Variants in DIPK1A observed in about 807,000 individuals in gnomAD.
The protein encoded by DIPK1A is divergent protein kinase domain 1A.
In DIPK1A, 27 loss-of-function variants were observed where a neutral mutation model predicts 40.8. The observed-to-expected ratio is 0.66, with a 90% CI of 0.49 to 0.91. DIPK1A has a LOEUF of 0.91. Ranked by LOEUF, DIPK1A falls within the 40% of genes least tolerant of loss-of-function variation. The probability of loss-of-function intolerance (pLI) is 0.00; values close to 1 mark genes in which losing one functional copy is unlikely to be tolerated. For synonymous variants in DIPK1A, 166 were observed against 171.3 expected, an observed-to-expected ratio of 0.97 and a Z score of 0.24; for missense variants, 412 against 505.7, an observed-to-expected ratio of 0.81 and a Z score of 1.78.
chr1:92,849,861 G>A (rs879889855), intron 3 of DIPK1A, among the ~76,000 whole-genome samples: 1 of 152,060 alleles, frequency 6.6e-6, no homozygotes, highest in African/African-American at 2.4e-5. Flanking sequence ...TTGCTATGTT[G>A]CTCAGGTAGG....
At chr1:92,860,445 T>C (rs182317661) in intron 2 of DIPK1A, among the ~76,000 whole-genome samples, 1 of 152,114 alleles carries the variant, frequency 6.6e-6, no homozygotes, top group African/African-American at 2.4e-5. Context: ...GAAGTATCAT[T>C]GGTTTTGTCT....
intron 1 of DIPK1A, among the ~76,000 whole-genome samples, chr1:92,923,842 C>T (rs1386155098): frequency 6.6e-6 from 1 of 152,116 alleles, no homozygotes; most frequent in Non-Finnish European, 1.5e-5. Flanking sequence ...CAAATCCAAC[C>T]ATCAGGCTTA....
chr1:92,863,374 A>C (rs766134438), intron 2 of DIPK1A, among the ~76,000 whole-genome samples: 2 of 152,236 alleles, frequency 1.3e-5, no homozygotes, highest in Non-Finnish European at 2.9e-5. Flanking sequence ...CAGGATTACA[A>C]GAAATATCAC....
chr1:92,849,358 T>TG (rs1687736257), intron 3 of DIPK1A, among the ~76,000 whole-genome samples: 1 of 151,928 alleles, frequency 6.6e-6, no homozygotes, highest in Non-Finnish European at 1.5e-5. Flanking sequence ...GTTTTTTTTT[T>TG]TTTTTTTGAG....
At chr1:92,942,905 C>T (rs1294735063) in intron 1 of DIPK1A, among the ~76,000 whole-genome samples, 2 of 152,170 alleles carry the variant, frequency 1.3e-5, no homozygotes, top group Non-Finnish European at 2.9e-5. Flanking sequence ...CCTCATGATT[C>T]GCCCGCCTCG....
At chr1:92,839,887 C>G (rs974312217), downstream of DIPK1A, among the ~76,000 whole-genome samples, 2 of 151,442 alleles carry the variant, frequency 1.3e-5, no homozygotes, top group African/African-American at 2.4e-5. Flanking sequence ...GTTTCCTGGG[C>G]TGGGGTGCAA....
At chr1:92,839,811 CAG>C (rs370270060), downstream of DIPK1A, among the ~76,000 whole-genome samples, 285 of 152,080 alleles carry the variant, frequency 1.9e-3, 3 homozygotes, top group African/African-American at 6.2e-3. Flanking sequence ...CTGAATTTCT[CAG>C]AAGTACATGC....
At chr1:92,891,861 T>A (rs1411843482) in intron 1 of DIPK1A, among the ~76,000 whole-genome samples, 1 of 152,200 alleles carries the variant, frequency 6.6e-6, no homozygotes, top group Non-Finnish European at 1.5e-5. Flanking sequence ...GGAGATTATA[T>A]CCTACGCATG....
chr1:92,845,481 C>G (rs1219422212), intron 4 of DIPK1A: 1 of 335,332 alleles, frequency 3.0e-6, no homozygotes, highest in Non-Finnish European at 5.4e-6. Flanking sequence ...CCCGCCTGGG[C>G]AACATGGTGA....
intron 1 of DIPK1A, among the ~76,000 whole-genome samples, chr1:92,885,233 T>C (rs1648542156): frequency 6.6e-6 from 1 of 152,220 alleles, no homozygotes; most frequent in Non-Finnish European, 1.5e-5. Flanking sequence ...CCAAAGGAGC[T>C]ACTGTTGATA....
chr1:92,836,450 T>C lies in DIPK1A; in HGVS notation c.475-3416A>G, dbSNP rs1687131500. On this transcript the variant is annotated intron_variant, in intron 4 of 4. Transcript: ENST00000615519. ...ACCGTGGTACTTCCCTGTTTTTAAC[T>C]AGTTGGACTGTGGAGATAACCGAAT... The C allele has an allele frequency of 4.1e-6, 6 of 1,476,556 alleles. No individual in the cohort carries two copies. The South Asian group carries it at 6.8e-5, about 17-fold the overall frequency. 91.5% of individuals were successfully genotyped at this position (1,476,556 alleles called of 1,614,324 possible). A position where few individuals can be genotyped will look rare whatever the true frequency, so the allele number is the denominator to read the frequency against.
chr1:92,836,058 G>A (rs1687111706), intron 4 of DIPK1A: 2 of 790,954 alleles, frequency 2.5e-6, no homozygotes, highest in South Asian at 1.4e-5. Context: ...AGTGGATCTG[G>A]TGAAAGGGTG....
At chr1:92,913,677 T>C (rs1386004333) in intron 1 of DIPK1A, among the ~76,000 whole-genome samples, 1 of 152,226 alleles carries the variant, frequency 6.6e-6, no homozygotes, top group East Asian at 1.9e-4. Flanking sequence ...ATATACTGTA[T>C]ATGATACGTT....
intron 2 of DIPK1A, among the ~76,000 whole-genome samples, chr1:92,860,487 A>C (rs1647213743): frequency 6.6e-6 from 1 of 152,010 alleles, no homozygotes; most frequent in Non-Finnish European, 1.5e-5. Context: ...TTGATAGAGC[A>C]CTTAAAAAGG....
chr1:92,932,118 C>T lies in DIPK1A; in HGVS notation c.54+29258G>A, dbSNP rs148019787. On this transcript the variant is annotated intron_variant, in intron 1 of 4. Transcript: ENST00000370310. ...ATATACCAGGGTGGTAAAGAATCTA[C>T]GAGCTCGCAAATATGTAAATTTTTA... The T allele has an allele frequency of 1.9e-3, 566 of 292,306 alleles. 3 individuals are homozygous for T. Among genetic ancestry groups the T allele is most frequent in the African/African-American group, 0.012 (513 of 44,036 alleles). The allele number at this position is 292,306 out of a possible 1,614,324, so 18.1% of individuals were successfully genotyped here.
chr1:92,897,792 G>A (rs911978201), intron 1 of DIPK1A, among the ~76,000 whole-genome samples: 3 of 144,898 alleles, frequency 2.1e-5, no homozygotes, highest in African/African-American at 7.7e-5. Flanking sequence ...AATTTGTTTT[G>A]TGTCACTATA....
chr1:92,898,490 A>G (rs550735200), intron 1 of DIPK1A, among the ~76,000 whole-genome samples: 26 of 152,142 alleles, frequency 1.7e-4, no homozygotes, highest in Non-Finnish European at 3.4e-4. Context: ...CATTCAAACC[A>G]TATCACAAAA....
At chr1:92,879,903 G>A (rs749576139) in intron 1 of DIPK1A, among the ~76,000 whole-genome samples, 3 of 152,064 alleles carry the variant, frequency 2.0e-5, no homozygotes, top group African/African-American at 7.2e-5. Context: ...TTTTTTGTTC[G>A]GCAGATTGTG....
intron 2 of DIPK1A, among the ~76,000 whole-genome samples, chr1:92,864,907 T>C (rs546936624): frequency 1.9e-4 from 29 of 151,932 alleles, no homozygotes; most frequent in African/African-American, 6.5e-4. Flanking sequence ...CTGGGCATAC[T>C]GGTGTGTGTC....
Sources: allele counts gnomAD v4.1 joint callset (sites outside exome capture counted in the v4.1 genomes callset), GRCh38; gene constraint gnomAD v4.1.1; transcripts MANE v1.5; gene names NCBI Gene and HGNC (gene_info 2026-07-23, HGNC 2026-07-21).